The following TMPRSS15 variants were observed in gnomAD, a reference collection of about 807,000 sequenced individuals.
TMPRSS15 encodes the protein transmembrane serine protease 15, also known as enteropeptidase.
In TMPRSS15, 128 loss-of-function variants were observed where a neutral mutation model predicts 125.3. That is an observed-to-expected ratio of 1.02 (90% CI 0.89 to 1.18). The LOEUF (loss-of-function observed/expected upper bound fraction) is 1.18, where lower values mean the gene tolerates loss of function less well. Among genes scored for constraint, TMPRSS15 ranks in the 50% most tolerant of loss-of-function variants. The pLI, the probability that TMPRSS15 is intolerant of heterozygous loss-of-function variation, is 0.00. For missense variants in TMPRSS15, 1,283 were observed against 1,212.7 expected (o/e 1.06, Z -0.86); for synonymous variants, 446 against 423.2 (o/e 1.05, Z -0.66).
At chr21:18,440,730 T>C (rs1375275427) in intron 1 of TMPRSS15, among the ~76,000 whole-genome samples, 2 of 152,198 alleles carry the variant, frequency 1.3e-5, no homozygotes, top group Non-Finnish European at 2.9e-5. Flanking sequence ...TAAATTCTTG[T>C]CATGACCTGT....
intron 1 of TMPRSS15, among the ~76,000 whole-genome samples, chr21:18,411,649 A>G (rs2076166242): frequency 6.6e-6 from 1 of 152,144 alleles, no homozygotes; most frequent in Admixed American, 6.6e-5. Context: ...GACTACAGTG[A>G]AACCATATTT....
At chr21:18,316,317 T>C (rs1002129501) in intron 16 of TMPRSS15, among the ~76,000 whole-genome samples, 8 of 152,096 alleles carry the variant, frequency 5.3e-5, no homozygotes, top group African/African-American at 9.7e-5. Flanking sequence ...CAAACGAACA[T>C]ACAAGCAACA....
At chr21:18,459,964 G>A (rs1465734367) in intron 1 of TMPRSS15, among the ~76,000 whole-genome samples, 4 of 152,098 alleles carry the variant, frequency 2.6e-5, no homozygotes, top group African/African-American at 4.8e-5. Flanking sequence ...TTAAAAACCA[G>A]TAGTTTATTA....
At chr21:18,435,613 C>T (rs913175285) in intron 1 of TMPRSS15, among the ~76,000 whole-genome samples, 19 of 152,188 alleles carry the variant, frequency 1.2e-4, no homozygotes, top group Admixed American at 9.8e-4. Context: ...GTGTCTCTGC[C>T]TGGCTTTGGT....
At position 18,465,620 on chromosome 21, in the gene TMPRSS15, GACAA is replaced by G. The variant is rs2122955658; in HGVS notation, c.10+20175_10+20178del. ...CAGGCATTCCTATAAACAAATAACA[GACAA>G]ACAGAGAGCCAAATCATGAGTGAAC... On this transcript the variant is annotated intron_variant, in intron 1 of 7. Transcript: ENST00000422787. Among the ~76,000 whole-genome samples the G allele has an allele frequency of 5.7e-3, 869 of 152,164 alleles. 8 individuals carry two copies. The highest frequency in any genetic ancestry group is 0.019 in the African/African-American group (782 of 41,532).
At chr21:18,288,101 C>T (rs1013844761) in intron 21 of TMPRSS15, among the ~76,000 whole-genome samples, 17 of 152,140 alleles carry the variant, frequency 1.1e-4, no homozygotes, top group South Asian at 4.2e-4. Context: ...CATCAACAGA[C>T]GACTGGATAA....
intron 1 of TMPRSS15, among the ~76,000 whole-genome samples, chr21:18,464,643 T>C (rs2122954777): frequency 3.9e-5 from 6 of 151,978 alleles, no homozygotes; most frequent in African/African-American, 1.5e-4. Flanking sequence ...TCTATGCAAA[T>C]AAACTAGAAA....
chr21:18,470,052 GT>G (rs1411167287), intron 1 of TMPRSS15, among the ~76,000 whole-genome samples: 1 of 151,952 alleles, frequency 6.6e-6, no homozygotes, highest in South Asian at 2.1e-4. Context: ...AGATAGCCTA[GT>G]TTTTTTGGTA....
intron 18 of TMPRSS15, among the ~76,000 whole-genome samples, chr21:18,299,785 G>C (rs1458867642): frequency 6.6e-6 from 1 of 152,142 alleles, no homozygotes; most frequent in Admixed American, 6.5e-5. Context: ...AGAGAACATA[G>C]GTCCAAAGGC....
intron 1 of TMPRSS15, among the ~76,000 whole-genome samples, chr21:18,454,870 A>C: frequency 6.6e-6 from 1 of 152,170 alleles, no homozygotes; most frequent in East Asian, 1.9e-4. Context: ...TGTATTAGCT[A>C]TCTGGTGTTC....
At chr21:18,321,112 T>A (rs1441260641) in intron 16 of TMPRSS15, among the ~76,000 whole-genome samples, 7 of 112,466 alleles carry the variant, frequency 6.2e-5, no homozygotes, top group African/African-American at 1.8e-4. Context: ...AATTCCATCG[T>A]TAAGACTCTG....
At position 18,299,958 on chromosome 21, in the gene TMPRSS15, T is replaced by C. The variant is rs181493255; in HGVS notation, c.2166-2129A>G. ...CAAATATAGCATCTTTTTCTGCTACTGGCATGAGGCTCTGCTTTTTGACAT... is the reference window on the plus strand; with the variant it reads ...CAAATATAGCATCTTTTTCTGCTACCGGCATGAGGCTCTGCTTTTTGACAT... On this transcript the variant is annotated intron_variant, in intron 18 of 24. Coordinates refer to ENST00000284885, the MANE Select transcript of TMPRSS15 (RefSeq NM_002772.3). Among the ~76,000 whole-genome samples, 67 of 152,326 alleles carry C rather than the reference T, an allele frequency of 4.4e-4. No individual in the cohort carries two copies. The Middle Eastern group carries it at 0.01, about 23-fold the overall frequency.
At chr21:18,273,261 C>G (rs2074581499) in intron 24 of TMPRSS15, among the ~76,000 whole-genome samples, 1 of 152,156 alleles carries the variant, frequency 6.6e-6, no homozygotes, top group South Asian at 2.1e-4. Flanking sequence ...TAATAAGGCA[C>G]ATTCTTTGCC....
chr21:18,391,668 C>A (rs920303892), intron 3 of TMPRSS15, among the ~76,000 whole-genome samples: 14 of 152,150 alleles, frequency 9.2e-5, no homozygotes, highest in Non-Finnish European at 1.6e-4. Context: ...GTGGATCTAC[C>A]ATTCTGTGGT....
Position 18,281,356 on chromosome 21 carries a change from A to T in TMPRSS15, c.2487-135T>A. The T allele has an allele frequency of 3.7e-6, 3 of 803,372 alleles. 1 individual carries two copies. In the South Asian group the frequency reaches 4.6e-5, roughly 12 times the overall value. 49.8% of individuals were successfully genotyped at this position (803,372 alleles called of 1,614,324 possible). A position where few individuals can be genotyped will look rare whatever the true frequency, so the allele number is the denominator to read the frequency against. On this transcript the variant is annotated intron_variant, in intron 21 of 24. Transcript: ENST00000284885. The stretch of plus-strand genomic sequence containing the variant: ...TAATTTCTCTGAAGAATCATCCTTT[A>T]AAAATATTCTCAAATCTTTATTTTT...
chr21:18,359,668 C>A, intron 8 of TMPRSS15, 89 bp downstream of exon 8: 1 of 647,682 alleles, frequency 1.5e-6, no homozygotes, highest in South Asian at 1.7e-5. Flanking sequence ...TCCATATTCA[C>A]TTCAAAATCA....
intron 24 of TMPRSS15, among the ~76,000 whole-genome samples, chr21:18,271,716 G>A (rs1349602963): frequency 2.0e-5 from 3 of 151,726 alleles, no homozygotes; most frequent in Non-Finnish European, 4.4e-5. Flanking sequence ...CGCCCTCTAA[G>A]TTCCTTCCCC....
chr21:18,416,166 A>C (rs1287682578), intron 1 of TMPRSS15, among the ~76,000 whole-genome samples: 1 of 152,084 alleles, frequency 6.6e-6, no homozygotes, highest in African/African-American at 2.4e-5. Context: ...ATGAAAAAAA[A>C]CATGGCTTTC....
chr21:18,294,659 T>C lies in TMPRSS15; in HGVS notation c.2262-7A>G. ...ATCCTGTAAACACTGTTGACTGTAA[T>C]AGAAGAACAATCATATTTTTAAAAT... On this transcript the variant is annotated splice_polypyrimidine_tract_variant and splice_region_variant and intron_variant, in intron 19 of 24. Coordinates refer to ENST00000284885, the MANE Select transcript of TMPRSS15 (RefSeq NM_002772.3). 4.4e-6 allele frequency: 7 copies of C among 1,607,000 alleles called. No homozygotes were observed. The highest frequency in any genetic ancestry group is 6.0e-6 in the Non-Finnish European group (7 of 1,173,614).
Sources: allele counts gnomAD v4.1 joint callset (sites outside exome capture counted in the v4.1 genomes callset), GRCh38; gene constraint gnomAD v4.1.1; transcripts MANE v1.5; gene names NCBI Gene and HGNC (gene_info 2026-07-23, HGNC 2026-07-21).